The following AGAP1 variants were observed in gnomAD, a reference collection of about 807,000 sequenced individuals.
AGAP1 encodes the protein arf-GAP with GTPase, ANK repeat and PH domain-containing protein 1.
AGAP1 carries 29 observed loss-of-function variants against 105.3 expected under a neutral mutation model. The observed-to-expected ratio is 0.28, with a 90% confidence interval of 0.21 to 0.38. The LOEUF is 0.38. AGAP1 is among the 10% of genes least tolerant of loss of function. The probability of loss-of-function intolerance (pLI) is 1.00; values close to 1 mark genes in which losing one functional copy is unlikely to be tolerated. For synonymous variants in AGAP1, 509 were observed against 485.9 expected, an observed-to-expected ratio of 1.05 and a Z score of -0.63; for missense variants, 998 against 1,165.1, an observed-to-expected ratio of 0.86 and a Z score of 2.09.
intron 15 of AGAP1, among the ~76,000 whole-genome samples, chr2:236,041,841 T>C (rs2057558240): frequency 6.6e-6 from 1 of 152,128 alleles, no homozygotes; most frequent in South Asian, 2.1e-4. Flanking sequence ...ATCGGGGGCA[T>C]GCGGCGGTCT....
chr2:236,081,246 A>T (rs1224452071), intron 16 of AGAP1, among the ~76,000 whole-genome samples: 1 of 152,128 alleles, frequency 6.6e-6, no homozygotes, highest in Non-Finnish European at 1.5e-5. Context: ...AGTGGGCAGG[A>T]GGCCGGGGTC....
rs1417258108 is a variant in AGAP1, at chr2:235,900,648, C to A, written c.1156-8090C>A. Among the ~76,000 whole-genome samples the A allele has an allele frequency of 1.3e-5, 2 of 152,132 alleles. No individual in the cohort carries two copies. The highest frequency in any genetic ancestry group is 2.9e-5 in the Non-Finnish European group (2 of 68,036). ...CCTCAGCCCTGCAAAGTATTGTCAC[C>A]TAGTTGGCATTGTAATTGTGACTTC... On this transcript the variant is annotated intron_variant, in intron 10 of 17. Transcript: ENST00000304032. The surrounding 1 kb of genome is among the most constrained non-coding windows in gnomAD (Gnocchi z 5.5).
chr2:235,949,418 G>C (rs554368155), intron 12 of AGAP1, among the ~76,000 whole-genome samples: 114 of 152,222 alleles, frequency 7.5e-4, no homozygotes, highest in African/African-American at 2.7e-3. Flanking sequence ...TGGCCAGGGG[G>C]TGCTCTTCCC....
At chr2:235,718,041 C>T (rs756197279) in intron 3 of AGAP1, among the ~76,000 whole-genome samples, 2 of 152,046 alleles carry the variant, frequency 1.3e-5, no homozygotes, top group African/African-American at 2.4e-5. Flanking sequence ...AAGAGCCTTC[C>T]GGGATAAGAC....
At position 235,882,487 on chromosome 2, in the gene AGAP1, C is replaced by T; in HGVS notation, c.1051-858C>T. The T allele has an allele frequency of 5.2e-6, 8 of 1,541,656 alleles. No individual in the cohort carries two copies. Among genetic ancestry groups the T allele is most frequent in the Non-Finnish European group, 6.2e-6 (7 of 1,120,634 alleles). On this transcript the variant is annotated intron_variant, in intron 9 of 17. Transcript: ENST00000304032. The surrounding 1 kb of genome is among the most constrained non-coding windows in gnomAD (Gnocchi z 4.6). ...GCGATTCCCCCCACGTCTGGTTTGT[C>T]TGCCATTTTCTTAAAACAATCGGTA...
At position 235,882,883 on chromosome 2, in the gene AGAP1, G is replaced by A. The variant is rs2050101196; in HGVS notation, c.1051-462G>A. ...GCTGGAGTACGGTGGTACAATCATA[G>A]CTCACTGCCACCTCAACCTCCTGGG... is the stretch of plus-strand genomic sequence containing the variant. On this transcript the variant is annotated intron_variant, in intron 9 of 17. Coordinates refer to ENST00000304032, the MANE Select transcript of AGAP1 (RefSeq NM_001037131.3). The surrounding 1 kb of genome is among the most constrained non-coding windows in gnomAD (Gnocchi z 4.6). Among the ~76,000 whole-genome samples the A allele has an allele frequency of 6.6e-6, 1 of 151,890 alleles. No individual in the cohort carries two copies. The highest frequency in any genetic ancestry group is 2.4e-5 in the African/African-American group (1 of 41,338).
At chr2:235,907,625 T>G (rs912686015) in intron 10 of AGAP1, among the ~76,000 whole-genome samples, 1 of 152,172 alleles carries the variant, frequency 6.6e-6, no homozygotes, top group Admixed American at 6.5e-5. Context: ...AAGAGTAATT[T>G]TCAAATACAG....
At chr2:235,907,948 A>G (rs2051386779) in intron 10 of AGAP1, among the ~76,000 whole-genome samples, 1 of 152,164 alleles carries the variant, frequency 6.6e-6, no homozygotes, top group South Asian at 2.1e-4. Context: ...GAGTCTCATT[A>G]CCAGAAATAA....
chr2:235,766,487 T>G (rs1002433255), intron 6 of AGAP1, among the ~76,000 whole-genome samples: 1 of 152,196 alleles, frequency 6.6e-6, no homozygotes, highest in Non-Finnish European at 1.5e-5. Flanking sequence ...TAAAACACAC[T>G]GGTTTAAGAG....
At position 235,981,562 on chromosome 2, in the gene AGAP1, A is replaced by G. The variant is rs1357661065; in HGVS notation, c.1645+12939A>G. Among the ~76,000 whole-genome samples the G allele has an allele frequency of 6.6e-6, 1 of 152,168 alleles. No individual in the cohort carries two copies. Among genetic ancestry groups the G allele is most frequent in the Non-Finnish European group, 1.5e-5 (1 of 68,038 alleles). On this transcript the variant is annotated intron_variant, in intron 13 of 17. Transcript: ENST00000304032. The surrounding 1 kb of genome is among the most constrained non-coding windows in gnomAD (Gnocchi z 5.5). ...TTAGTGATGCCTCTTTCAAAGAGGA[A>G]ATCAATCACGAAACAGAAACTCAGA... is the stretch of plus-strand genomic sequence containing the variant.
chr2:235,946,284 C>CTTTTTT (rs34759426), intron 12 of AGAP1, among the ~76,000 whole-genome samples: 1 of 114,058 alleles, frequency 8.8e-6, no homozygotes, highest in Non-Finnish European at 1.7e-5. Context: ...GCTTTTTTTC[C>CTTTTTT]TTTTTTTTTT....
intron 1 of AGAP1, among the ~76,000 whole-genome samples, chr2:235,562,361 C>T (rs1415793902): frequency 6.6e-6 from 1 of 152,136 alleles, no homozygotes; most frequent in Non-Finnish European, 1.5e-5. Flanking sequence ...CCACTTGGCA[C>T]TAACGGTGGG....
rs553758759 is a variant in AGAP1 at position 235,622,388 on chromosome 2, G to A, written c.164-86791G>A. Among the ~76,000 whole-genome samples, 40 of 152,254 alleles carry A rather than the reference G, an allele frequency of 2.6e-4. No individual in the cohort carries two copies. Among genetic ancestry groups the A allele is most frequent in the African/African-American group, 8.2e-4 (34 of 41,560 alleles). ...TTCAGAGCTCCCTGAGCTTCTTCAC[G>A]GCCACGCTGCTCTCCTGCATGTCCG... On this transcript the variant is annotated intron_variant, in intron 1 of 17. Coordinates refer to ENST00000304032, the MANE Select transcript of AGAP1 (RefSeq NM_001037131.3). This position sits in a 1 kb window ranked among gnomAD's most constrained non-coding sequence, Gnocchi z 5.0.
chr2:236,044,911 G>T lies in AGAP1; in HGVS notation c.1891+4070G>T, dbSNP rs1468120058. 6.6e-6 allele frequency among the ~76,000 whole-genome samples: 1 copy of T among 152,052 alleles called. No homozygotes were observed. Among genetic ancestry groups the T allele is most frequent in the African/African-American group, 2.4e-5 (1 of 41,398 alleles). ...GGTTGAGATGGGGTCTCGCCCTATAGCCCAGGATGGAGTGCAGCAGAAAGG... is the reference window on the plus strand; with the variant it reads ...GGTTGAGATGGGGTCTCGCCCTATATCCCAGGATGGAGTGCAGCAGAAAGG... On this transcript the variant is annotated intron_variant, in intron 15 of 17. Coordinates refer to ENST00000304032, the MANE Select transcript of AGAP1 (RefSeq NM_001037131.3). This position sits in a 1 kb window ranked among gnomAD's most constrained non-coding sequence, Gnocchi z 5.7.
Position 235,961,290 on chromosome 2 carries a change from C to A in AGAP1, c.1484-7172C>A, listed in dbSNP as rs777252963. Among the ~76,000 whole-genome samples, 29 of 152,220 alleles carry A rather than the reference C, an allele frequency of 1.9e-4. No individual in the cohort carries two copies. Among genetic ancestry groups the A allele is most frequent in the Non-Finnish European group, 3.1e-4 (21 of 68,042 alleles). On this transcript the variant is annotated intron_variant, in intron 12 of 17. Transcript: ENST00000304032. This position sits in a 1 kb window ranked among gnomAD's most constrained non-coding sequence, Gnocchi z 5.9. The stretch of plus-strand genomic sequence containing the variant: ...GGCTTCCTCCTTTGGCTCCTGGAGT[C>A]TAAAACTTCCTGGTGTCCCTTCTGC...
rs1299338637 is a variant in AGAP1, at chr2:236,014,270, A to G, written c.1646-22291A>G. ...ACTAGGGGGTTTTGCTGCTGTAGGT[A>G]TTGCCTGAATCAAAATCTGTCTCGG... On this transcript the variant is annotated intron_variant, in intron 13 of 17. Coordinates refer to ENST00000304032, the MANE Select transcript of AGAP1 (RefSeq NM_001037131.3). The surrounding 1 kb of genome is among the most constrained non-coding windows in gnomAD (Gnocchi z 6.3). Among the ~76,000 whole-genome samples the G allele has an allele frequency of 6.6e-6, 1 of 152,054 alleles. No homozygotes were observed. Among genetic ancestry groups the G allele is most frequent in the Non-Finnish European group, 1.5e-5 (1 of 68,002 alleles).
chr2:235,881,597 G>C (rs940224475), intron 9 of AGAP1, among the ~76,000 whole-genome samples: 3 of 152,242 alleles, frequency 2.0e-5, no homozygotes, highest in African/African-American at 7.2e-5. Flanking sequence ...CGCTGCCATT[G>C]AAAGGGACTG....
chr2:235,974,469 T>TA (rs2054777053), intron 13 of AGAP1, among the ~76,000 whole-genome samples: 1 of 152,214 alleles, frequency 6.6e-6, no homozygotes, highest in African/African-American at 2.4e-5. Context: ...CCTGGTGTTA[T>TA]CCCCCCCTTG....
chr2:235,542,221 G>T (rs879423251), intron 1 of AGAP1, among the ~76,000 whole-genome samples: 29 of 146,060 alleles, frequency 2.0e-4, no homozygotes, highest in African/African-American at 7.0e-4. Flanking sequence ...GGGTCCCGGG[G>T]GGGGGCCAGT....
Sources: allele counts gnomAD v4.1 joint callset (sites outside exome capture counted in the v4.1 genomes callset), GRCh38; gene constraint gnomAD v4.1.1; non-coding constraint Gnocchi (gnomAD v3.1); transcripts MANE v1.5; gene names NCBI Gene and HGNC (gene_info 2026-07-23, HGNC 2026-07-21).